The following DRGX variants were observed in gnomAD, a reference collection of about 807,000 sequenced individuals.
DRGX encodes the protein dorsal root ganglia homeobox protein.
DRGX carries 21 observed loss-of-function variants against 28.6 expected under a neutral mutation model. That is an observed-to-expected ratio of 0.73 (90% CI 0.52 to 1.06). The LOEUF is 1.06. DRGX is among the 50% of genes least tolerant of loss of function. DRGX has a pLI of 0.00. For synonymous variants in DRGX, 136 were observed against 139.1 expected (o/e 0.98, Z 0.16); for missense variants, 354 against 343.9 (o/e 1.03, Z -0.23).
chr10:49,380,790 T>A (rs538244138), intron 6 of DRGX, among the ~76,000 whole-genome samples: 6 of 152,198 alleles, frequency 3.9e-5, no homozygotes, highest in Non-Finnish European at 7.3e-5. Flanking sequence ...AGGTACTTCA[T>A]TGGGTCCTTT....
At chr10:49,394,190 G>C (rs1230615292) in intron 2 of DRGX, among the ~76,000 whole-genome samples, 1 of 152,148 alleles carries the variant, frequency 6.6e-6, no homozygotes, top group Non-Finnish European at 1.5e-5. Flanking sequence ...CCCTTCCTAG[G>C]AATGCTGACA....
rs1422978355 is a variant in DRGX, at chr10:49,386,567, G to A, written c.437C>T (p.Ala146Val). Residue 146 changes from alanine (A) to valine (V), a missense_variant, in exon 6 of 7, where the codon GCA becomes GTA. Coordinates refer to ENST00000374139, the MANE Select transcript of DRGX (RefSeq NM_001276451.2). ...QQSLGRTVGPAGPFFPSCLPG... is the reference protein window; with the variant it reads ...QQSLGRTVGPVGPFFPSCLPG... Reference sequence around the variant, plus strand: ...CAAGCAGGAGGGGAAGAAAGGCCCTGCAGGACCTACCGTTCGCCCCAGGCT... The same window carrying A: ...CAAGCAGGAGGGGAAGAAAGGCCCTACAGGACCTACCGTTCGCCCCAGGCT... The A allele has an allele frequency of 1.3e-6, 2 of 1,591,674 alleles. No individual in the cohort carries two copies. Among genetic ancestry groups the A allele is most frequent in the Non-Finnish European group, 8.6e-7 (1 of 1,169,070 alleles).
At chr10:49,390,072 G>T in intron 4 of DRGX, 61 bp downstream of exon 4, 1 of 1,505,436 alleles carries the variant, frequency 6.6e-7, no homozygotes, top group Non-Finnish European at 9.0e-7. Flanking sequence ...CAGTCATGAT[G>T]TCAAAAAAAA....
At chr10:49,380,319 G>A (rs1363482887) in intron 6 of DRGX, among the ~76,000 whole-genome samples, 2 of 152,226 alleles carry the variant, frequency 1.3e-5, no homozygotes, top group African/African-American at 4.8e-5. Context: ...TCCGCTGACT[G>A]TGGCTCTCCA....
rs1012446347 is a variant in DRGX at position 49,368,494 on chromosome 10, C to T, written c.527-2113G>A. ...CTGGCTGCTCCACTTCTCCTAGGGG[C>T]TCTTACACAGGCATAGCCACACCCT... On this transcript the variant is annotated intron_variant, in intron 6 of 6. Coordinates refer to ENST00000374139, the MANE Select transcript of DRGX (RefSeq NM_001276451.2). Among the ~76,000 whole-genome samples, 4 of 152,246 alleles carry T rather than the reference C, an allele frequency of 2.6e-5. No homozygotes were observed. The East Asian group carries it at 7.7e-4, about 29-fold the overall frequency.
At chr10:49,374,296 G>A (rs1849694853) in intron 6 of DRGX, among the ~76,000 whole-genome samples, 1 of 152,202 alleles carries the variant, frequency 6.6e-6, no homozygotes, top group Non-Finnish European at 1.5e-5. Flanking sequence ...GCCTCCGCCT[G>A]CACTCAGGGT....
At chr10:49,376,559 A>G (rs1021623521) in intron 6 of DRGX, among the ~76,000 whole-genome samples, 1 of 152,196 alleles carries the variant, frequency 6.6e-6, no homozygotes, top group Non-Finnish European at 1.5e-5. Flanking sequence ...CCCTAATCAG[A>G]TCCCAAGTGA....
At chr10:49,381,645 C>T (rs758099675) in intron 6 of DRGX, among the ~76,000 whole-genome samples, 8 of 152,216 alleles carry the variant, frequency 5.3e-5, no homozygotes, top group Non-Finnish European at 7.3e-5. Context: ...ATGCTCTCGG[C>T]GGTGCCCCAG....
intron 4 of DRGX, among the ~76,000 whole-genome samples, chr10:49,387,237 C>T (rs1368953203): frequency 6.6e-6 from 1 of 152,214 alleles, no homozygotes; most frequent in Non-Finnish European, 1.5e-5. Context: ...TCATCACAGA[C>T]TCACTAGCTC....
At chr10:49,367,241 T>C (rs1849610978) in intron 6 of DRGX, among the ~76,000 whole-genome samples, 1 of 152,142 alleles carries the variant, frequency 6.6e-6, no homozygotes, top group African/African-American at 2.4e-5. Flanking sequence ...TATGTGCCGA[T>C]AGTCCTACCT....
intron 4 of DRGX, 133 bp from the exon 5 acceptor site, chr10:49,386,991 G>A (rs888695207): frequency 2.6e-5 from 28 of 1,060,660 alleles, no homozygotes; most frequent in Non-Finnish European, 3.4e-5. Flanking sequence ...GAACTGCAGC[G>A]TCAGGCCCAC....
intron 6 of DRGX, among the ~76,000 whole-genome samples, chr10:49,376,478 G>A (rs762410327): frequency 2.0e-5 from 3 of 152,124 alleles, no homozygotes; most frequent in Non-Finnish European, 4.4e-5. Flanking sequence ...CTGGGTACTG[G>A]GAGACTCTCC....
At chr10:49,369,391 T>G (rs1849630989) in intron 6 of DRGX, among the ~76,000 whole-genome samples, 1 of 152,212 alleles carries the variant, frequency 6.6e-6, no homozygotes, top group Non-Finnish European at 1.5e-5. Context: ...CCGTAAGGAC[T>G]GTACATACCA....
At chr10:49,379,445 A>AT (rs535321110) in intron 6 of DRGX, among the ~76,000 whole-genome samples, 93 of 152,338 alleles carry the variant, frequency 6.1e-4, no homozygotes, top group African/African-American at 2.2e-3. Flanking sequence ...AAACATCACA[A>AT]TTTTTTTAAA....
intron 1 of DRGX, 145 bp from the exon 2 acceptor site, chr10:49,395,666 C>A: frequency 1.6e-6 from 1 of 619,014 alleles, no homozygotes; most frequent in Non-Finnish European, 2.9e-6. Context: ...AGGCGGCAGC[C>A]CCGTCGCAAG....
chr10:49,371,196 T>C (rs750651399), intron 6 of DRGX, among the ~76,000 whole-genome samples: 2 of 152,214 alleles, frequency 1.3e-5, no homozygotes, highest in Non-Finnish European at 2.9e-5. Flanking sequence ...ACAGTATCAA[T>C]ATGCCGCCTG....
intron 4 of DRGX, among the ~76,000 whole-genome samples, chr10:49,387,813 T>G (rs925822628): frequency 1.3e-5 from 2 of 152,202 alleles, no homozygotes; most frequent in African/African-American, 4.8e-5. Context: ...TCCCCATTTT[T>G]CAGATGAGAA....
In DRGX at chr10:49,380,885, G is replaced by A. The variant is rs137963272; in HGVS notation, c.526+5593C>T. On this transcript the variant is annotated intron_variant, in intron 6 of 6. Transcript: ENST00000374139. Reference sequence around the variant, plus strand: ...AATAGTTGGTGTTCAATGATGGTTAGTGATAGTGTCGCTTCCCACATGCTA... The same window carrying A: ...AATAGTTGGTGTTCAATGATGGTTAATGATAGTGTCGCTTCCCACATGCTA... Among the ~76,000 whole-genome samples the A allele has an allele frequency of 1.7e-4, 26 of 152,326 alleles. No individual in the cohort carries two copies. The East Asian group carries it at 4.0e-3, about 24-fold the overall frequency.
chr10:49,394,551 G>A (rs1849944917), intron 2 of DRGX, among the ~76,000 whole-genome samples: 1 of 152,224 alleles, frequency 6.6e-6, no homozygotes, highest in South Asian at 2.1e-4. Context: ...AGCCCACAGT[G>A]TGGCATTGGC....
Sources: allele counts gnomAD v4.1 joint callset (sites outside exome capture counted in the v4.1 genomes callset), GRCh38; gene constraint gnomAD v4.1.1; transcripts MANE v1.5; gene names NCBI Gene and HGNC (gene_info 2026-07-23, HGNC 2026-07-21).